The following GLI3 variants were observed in gnomAD, a reference collection of about 807,000 sequenced individuals.
GLI3 encodes GLI family zinc finger 3, also known as transcription activator GLI3.
Under a neutral mutation model 100.8 loss-of-function variants are expected in GLI3, and 20 were observed. The observed-to-expected ratio is 0.20, with a 90% confidence interval of 0.14 to 0.29. The LOEUF (loss-of-function observed/expected upper bound fraction) is 0.29, where lower values mean the gene tolerates loss of function less well. Ranked by LOEUF, GLI3 falls within the 10% of genes least tolerant of loss-of-function variation. The pLI is 1.00. For missense variants in GLI3, 2,040 were observed against 2,128.5 expected, an observed-to-expected ratio of 0.96 and a Z score of 0.82; for synonymous variants, 938 against 860.5, an observed-to-expected ratio of 1.09 and a Z score of -1.58.
At chr7:42,158,506 T>G (rs75830840) in intron 2 of GLI3, among the ~76,000 whole-genome samples, 140 of 152,108 alleles carry the variant, frequency 9.2e-4, no homozygotes, top group African/African-American at 2.5e-3. Context: ...TTTTTTTTTT[T>G]GGGATGGACT....
intron 3 of GLI3, among the ~76,000 whole-genome samples, chr7:42,093,236 G>C (rs771460161): frequency 6.6e-6 from 1 of 151,910 alleles, no homozygotes; most frequent in Admixed American, 6.5e-5. Flanking sequence ...AAAATTAGCC[G>C]GGTGTGGTGG....
At chr7:42,029,937 C>T (rs846286) in intron 7 of GLI3, among the ~76,000 whole-genome samples, 78,895 of 151,978 alleles carry the variant, frequency 0.52, 21,787 homozygotes, top group African/African-American at 0.72. Context: ...AGAGCAGACA[C>T]GCAGTACTGA....
Position 41,977,716 on chromosome 7 carries a change from C to G in GLI3, c.1654G>C (p.Gly552Arg). 6.2e-7 allele frequency: 1 copy of G among 1,613,950 alleles called. No individual in the cohort carries two copies. Among genetic ancestry groups the G allele is most frequent in the Non-Finnish European group, 8.5e-7 (1 of 1,179,806 alleles). The change falls in exon 12 of 15, where the codon GGT (glycine) becomes CGT (arginine). Residue 552 changes from glycine (G) to arginine (R), a missense_variant. By Grantham distance (125) the Gly-to-Arg change is moderately radical. Around this residue, in one of 5 missense-constraint regions of GLI3, gnomAD observed 61 missense variants for 150.9 expected, o/e 0.40. Coordinates refer to ENST00000395925, the MANE Select transcript of GLI3 (RefSeq NM_000168.6). ...GEKPHKCTFE[G>R]CTKAYSRLEN... Reference sequence around the variant, plus strand: ...AGTCTCGAGTAGGCCTTTGTGCAACCTTCAAACTGAGGACAACAGGTAAAT... The same window carrying G: ...AGTCTCGAGTAGGCCTTTGTGCAACGTTCAAACTGAGGACAACAGGTAAAT...
At chr7:42,154,247 T>A (rs760987703) in intron 2 of GLI3, among the ~76,000 whole-genome samples, 1 of 152,176 alleles carries the variant, frequency 6.6e-6, no homozygotes, top group Non-Finnish European at 1.5e-5. Context: ...TGGACCCACG[T>A]GGAGGACCCG....
chr7:42,227,434 A>G (rs1007919169), intron 1 of GLI3, among the ~76,000 whole-genome samples: 1 of 152,124 alleles, frequency 6.6e-6, no homozygotes, highest in African/African-American at 2.4e-5. Flanking sequence ...GAAAGCAAAC[A>G]GTCAAGGCTT....
Position 41,966,271 on chromosome 7 carries a change from C to T in GLI3, c.2802G>A (p.Ala934=), listed in dbSNP as rs61730503. The change falls in exon 15 of 15, where the codon GCG becomes GCA. Residue 934 remains alanine, a synonymous_variant. Coordinates refer to ENST00000395925, the MANE Select transcript of GLI3 (RefSeq NM_000168.6). The surrounding 1 kb of genome is among the most constrained non-coding windows in gnomAD (Gnocchi z 5.8). The stretch of plus-strand genomic sequence containing the variant: ...TCGGCGGCGGCCCTCCTGTGGCAGC[C>T]GCGTACTTGGCCTTGAGGCGGTACT... ...AQQYRLKAKY[A]AATGGPPPTP... The T allele has an allele frequency of 9.1e-4, 1,461 of 1,607,900 alleles. 10 individuals carry two copies. In the African/African-American group the frequency reaches 0.017, roughly 19 times the overall value.
intron 2 of GLI3, among the ~76,000 whole-genome samples, chr7:42,218,334 T>C (rs796858740): frequency 1.3e-5 from 2 of 152,082 alleles, no homozygotes; most frequent in African/African-American, 2.4e-5. Flanking sequence ...TGGTGAAGAA[T>C]AGCAGATAAA....
At chr7:42,182,299 T>C (rs1459985356) in intron 2 of GLI3, among the ~76,000 whole-genome samples, 2 of 152,006 alleles carry the variant, frequency 1.3e-5, no homozygotes, top group Non-Finnish European at 2.9e-5. Context: ...ATACGGTGAG[T>C]GGCTACCATG....
intron 2 of GLI3, among the ~76,000 whole-genome samples, chr7:42,170,283 T>TAC (rs1465267826): frequency 0.02 from 2,869 of 145,784 alleles, 93 homozygotes; most frequent in African/African-American, 0.07. Context: ...TATATATATA[T>TAC]ATATACACAC....
Position 42,208,562 on chromosome 7 carries a change from AGTGTTTAGGG to A in GLI3, c.124+14558_124+14567del, listed in dbSNP as rs1236317850. On this transcript the variant is annotated intron_variant, in intron 2 of 14. Coordinates refer to ENST00000395925, the MANE Select transcript of GLI3 (RefSeq NM_000168.6). ...CAAATATGGGTTACTTGAGAGGTTC[AGTGTTTAGGG>A]GTCTGGTAATCAAAGTTTATTGTAC... Among the ~76,000 whole-genome samples, 8 of 152,314 alleles carry A rather than the reference AGTGTTTAGGG, an allele frequency of 5.3e-5. No homozygotes were observed. The East Asian group carries it at 1.5e-3, about 29-fold the overall frequency.
At chr7:42,241,418 T>G (rs944370506), upstream of GLI3, among the ~76,000 whole-genome samples, 5 of 152,094 alleles carry the variant, frequency 3.3e-5, no homozygotes, top group African/African-American at 9.7e-5. Flanking sequence ...TGCACACACT[T>G]TGCCAGCCAG....
chr7:42,024,216 G>A (rs1233783768), intron 9 of GLI3, among the ~76,000 whole-genome samples: 4 of 152,188 alleles, frequency 2.6e-5, no homozygotes, highest in Non-Finnish European at 4.4e-5. Context: ...CCAGGGCCCA[G>A]GGGCCACAGC....
chr7:42,083,920 T>C (rs1227349260), intron 3 of GLI3, among the ~76,000 whole-genome samples: 1 of 152,332 alleles, frequency 6.6e-6, no homozygotes, highest in South Asian at 2.1e-4. Context: ...AGCTAAGCAT[T>C]TGAAAATTGA....
chr7:42,178,584 C>T (rs1322907402), intron 2 of GLI3, among the ~76,000 whole-genome samples: 1 of 152,128 alleles, frequency 6.6e-6, no homozygotes, highest in East Asian at 1.9e-4. Flanking sequence ...TGAATCAGGC[C>T]CCTTCACTCA....
upstream of GLI3, among the ~76,000 whole-genome samples, chr7:42,239,778 G>C (rs1176281596): frequency 6.6e-6 from 1 of 152,168 alleles, no homozygotes; most frequent in African/African-American, 2.4e-5. Context: ...ATAATGCTGT[G>C]TCTCTTATGT....
At chr7:42,056,583 A>AT (rs1285903205) in intron 4 of GLI3, among the ~76,000 whole-genome samples, 1 of 152,190 alleles carries the variant, frequency 6.6e-6, no homozygotes, top group African/African-American at 2.4e-5. Flanking sequence ...GCTAAGGCTG[A>AT]TTTTTTTAAA....
intron 10 of GLI3, among the ~76,000 whole-genome samples, chr7:42,009,065 A>G (rs1788537196): frequency 6.6e-6 from 1 of 152,214 alleles, no homozygotes; most frequent in Admixed American, 6.5e-5. Flanking sequence ...ACGATTCTAG[A>G]AACAGCTCCC....
intron 3 of GLI3, among the ~76,000 whole-genome samples, chr7:42,133,321 G>A (rs1786340447): frequency 6.6e-6 from 1 of 152,138 alleles, no homozygotes; most frequent in South Asian, 2.1e-4. Flanking sequence ...GATATCATTA[G>A]CTAAATGAGG....
chr7:42,063,254 T>C (rs912421046), intron 4 of GLI3, among the ~76,000 whole-genome samples: 8 of 152,120 alleles, frequency 5.3e-5, no homozygotes, highest in Admixed American at 5.2e-4. Flanking sequence ...GGGGAAAAAA[T>C]CTTGACAATG....
Sources: allele counts gnomAD v4.1 joint callset (sites outside exome capture counted in the v4.1 genomes callset), GRCh38; gene constraint gnomAD v4.1.1; regional missense constraint gnomAD v4.1.1; non-coding constraint Gnocchi (gnomAD v3.1); transcripts MANE v1.5; gene names NCBI Gene and HGNC (gene_info 2026-07-23, HGNC 2026-07-21).